SLC1A1: variants seen among roughly 807,000 people sequenced by gnomAD.
SLC1A1 encodes the protein excitatory amino acid transporter 3.
In SLC1A1, 43 loss-of-function variants were observed where a neutral mutation model predicts 53.3. The ratio of observed to expected loss-of-function variants is 0.81; its 90% CI spans 0.63 to 1.04. SLC1A1 has a LOEUF of 1.04. Ranked by LOEUF, SLC1A1 falls within the 50% of genes least tolerant of loss-of-function variation. The probability of loss-of-function intolerance (pLI) is 0.00; values close to 1 mark genes in which losing one functional copy is unlikely to be tolerated. For synonymous variants in SLC1A1, 307 were observed against 243.2 expected, an observed-to-expected ratio of 1.26 and a Z score of -2.44; for missense variants, 748 against 664.9, an observed-to-expected ratio of 1.12 and a Z score of -1.37.
chr9:4,559,292 G>T (rs1285217478), intron 2 of SLC1A1, among the ~76,000 whole-genome samples: 2 of 152,034 alleles, frequency 1.3e-5, no homozygotes, highest in Non-Finnish European at 1.5e-5. Context: ...CCATTATATG[G>T]CAATTGCACA....
rs186621235 is a variant in SLC1A1 at position 4,528,483 on chromosome 9, G to A, written c.92-16084G>A. On this transcript the variant is annotated intron_variant, in intron 1 of 11. Coordinates refer to ENST00000262352, the MANE Select transcript of SLC1A1 (RefSeq NM_004170.6). ...CCCAGCTACTCGGGAGACTGAGGCA[G>A]GAGAATGGCGTGAACCCGGGAGGCG... Among the ~76,000 whole-genome samples, 334 of 152,270 alleles carry A rather than the reference G, an allele frequency of 2.2e-3. 1 individual carries two copies. Among genetic ancestry groups the A allele is most frequent in the African/African-American group, 7.7e-3 (322 of 41,564 alleles).
chr9:4,526,893 G>C (rs1449837789), intron 1 of SLC1A1, among the ~76,000 whole-genome samples: 8 of 151,788 alleles, frequency 5.3e-5, no homozygotes, highest in Non-Finnish European at 1.5e-5. Context: ...GGATATGATG[G>C]GATTTCACAT....
At chr9:4,518,958 G>A (rs1346778164) in intron 1 of SLC1A1, among the ~76,000 whole-genome samples, 2 of 152,188 alleles carry the variant, frequency 1.3e-5, no homozygotes, top group South Asian at 2.1e-4. Context: ...TAAATGATGA[G>A]TGGTTTGGGC....
intron 2 of SLC1A1, chr9:4,560,109 G>A (rs1818790787): frequency 6.6e-6 from 1 of 152,034 alleles, no homozygotes. Flanking sequence ...CTGTGCCCTG[G>A]GAAATTATTT....
At chr9:4,509,683 G>C (rs1411339802) in intron 1 of SLC1A1, among the ~76,000 whole-genome samples, 1 of 152,190 alleles carries the variant, frequency 6.6e-6, no homozygotes, top group Non-Finnish European at 1.5e-5. Context: ...CCAGTGCACA[G>C]AGCAGGACAA....
chr9:4,574,153 G>T (rs1184424709), intron 8 of SLC1A1, 139 bp downstream of exon 8: 22 of 716,558 alleles, frequency 3.1e-5, no homozygotes, highest in Non-Finnish European at 5.3e-5. Context: ...AAGACAGCAG[G>T]GGGAGGAGGG....
At chr9:4,538,594 T>C (rs1816760481) in intron 1 of SLC1A1, among the ~76,000 whole-genome samples, 1 of 152,224 alleles carries the variant, frequency 6.6e-6, no homozygotes, top group African/African-American at 2.4e-5. Flanking sequence ...AGTTTGTGGA[T>C]GAATTTTTGC....
chr9:4,534,519 T>A (rs190585318), intron 1 of SLC1A1, among the ~76,000 whole-genome samples: 3 of 152,144 alleles, frequency 2.0e-5, no homozygotes, highest in African/African-American at 4.8e-5. Flanking sequence ...CAGCAAGAAG[T>A]TGAATCTCTG....
intron 11 of SLC1A1, 123 bp from the exon 12 acceptor site, chr9:4,585,189 T>C: frequency 7.6e-7 from 1 of 1,322,076 alleles, no homozygotes; most frequent in Non-Finnish European, 1.1e-6. Context: ...CAGTCAGCCA[T>C]GAGGACAGCA....
At chr9:4,498,133 C>A (rs979954803) in intron 1 of SLC1A1, among the ~76,000 whole-genome samples, 1 of 152,078 alleles carries the variant, frequency 6.6e-6, no homozygotes, top group East Asian at 1.9e-4. Context: ...TATATTCATT[C>A]CTCAGTTCAT....
chr9:4,522,042 CTTTTTTTTTTTCTTT>C (rs1816093089), intron 1 of SLC1A1, among the ~76,000 whole-genome samples: 10 of 88,508 alleles, frequency 1.1e-4, no homozygotes, highest in Admixed American at 9.2e-4. Context: ...GAACCTGCCT[CTTTTTTTTTTTCTTT>C]TTTTTTTTTT....
intron 2 of SLC1A1, among the ~76,000 whole-genome samples, chr9:4,559,522 T>C (rs1398632500): frequency 6.6e-6 from 1 of 151,080 alleles, no homozygotes; most frequent in Non-Finnish European, 1.5e-5. Context: ...TGATTATATA[T>C]GAGAAGCATA....
chr9:4,501,338 A>C (rs937966606), intron 1 of SLC1A1, among the ~76,000 whole-genome samples: 1 of 151,380 alleles, frequency 6.6e-6, no homozygotes, highest in Admixed American at 6.6e-5. Flanking sequence ...TGTTGAAGCA[A>C]TAGCAGACTT....
rs1401008240 is a variant in SLC1A1, at chr9:4,576,600, G to C, written c.1030G>C (p.Ala344Pro). Reference protein sequence around the residue: ...SATLPVTFRCAEENNQVDKRI... With the variant: ...SATLPVTFRCPEENNQVDKRI... ...AACACTGCCTGTCACCTTCCGCTGT[G>C]CTGAAGAAAATAACCAGGTGGACAA... The change falls in exon 10 of 12, where the codon GCT becomes CCT. Residue 344 changes from alanine to proline, a missense_variant. Physicochemically the swap from Ala to Pro is conservative, Grantham distance 27 (BLOSUM62 -1). Transcript: ENST00000262352. 1.9e-6 allele frequency: 3 copies of C among 1,614,194 alleles called. No homozygotes were observed. The highest frequency in any genetic ancestry group is 2.5e-6 in the Non-Finnish European group (3 of 1,180,012).
intron 6 of SLC1A1, among the ~76,000 whole-genome samples, chr9:4,568,313 G>T (rs143037697): frequency 1.3e-5 from 2 of 152,094 alleles, no homozygotes; most frequent in Admixed American, 1.3e-4. Context: ...AGCTACTCGG[G>T]AGGCTGAAGT....
At chr9:4,547,300 C>T (rs1470316702) in intron 2 of SLC1A1, among the ~76,000 whole-genome samples, 1 of 152,220 alleles carries the variant, frequency 6.6e-6, no homozygotes, top group Non-Finnish European at 1.5e-5. Flanking sequence ...AGCCCAGCTA[C>T]TTTTGAAGCT....
chr9:4,553,201 T>C (rs974353766), intron 2 of SLC1A1, among the ~76,000 whole-genome samples: 2 of 152,030 alleles, frequency 1.3e-5, no homozygotes, highest in African/African-American at 2.4e-5. Flanking sequence ...TTCTTTGGGG[T>C]ATATTTAATG....
At chr9:4,518,550 T>A (rs1255669851) in intron 1 of SLC1A1, among the ~76,000 whole-genome samples, 1 of 152,168 alleles carries the variant, frequency 6.6e-6, no homozygotes, top group Admixed American at 6.5e-5. Context: ...GGTTTTTAAA[T>A]ATCTTTGTGC....
chr9:4,582,966 A>T, intron 10 of SLC1A1, 72 bp from the exon 11 acceptor site: 1 of 1,593,958 alleles, frequency 6.3e-7, no homozygotes, highest in Non-Finnish European at 8.6e-7. Context: ...AAGCGGGAGT[A>T]ACCATTTCAG....
Sources: gnomAD v4.1 joint callset for allele counts (sites outside exome capture counted in the v4.1 genomes callset) on GRCh38, gnomAD v4.1.1 for gene constraint, MANE v1.5 for transcripts, NCBI Gene and HGNC (gene_info 2026-07-23, HGNC 2026-07-21) for gene names.